ABCC4: variants seen among roughly 807,000 people sequenced by gnomAD.
ABCC4 encodes ATP binding cassette subfamily C member 4 (PEL blood group), also known as ATP-binding cassette sub-family C member 4.
ABCC4 carries 102 observed loss-of-function variants against 168.5 expected under a neutral mutation model. That is an observed-to-expected ratio of 0.61 (90% CI 0.52 to 0.71). The LOEUF (loss-of-function observed/expected upper bound fraction) is 0.71. Among genes scored for constraint, ABCC4 ranks in the 30% least tolerant of loss-of-function variants. The pLI is 0.00. For synonymous variants in ABCC4, 617 were observed against 590.7 expected, an observed-to-expected ratio of 1.04 and a Z score of -0.65; for missense variants, 1,402 against 1,605.8, an observed-to-expected ratio of 0.87 and a Z score of 2.17.
intron 1 of ABCC4, among the ~76,000 whole-genome samples, chr13:95,263,793 A>T (rs966792858): frequency 4.6e-5 from 7 of 151,404 alleles, no homozygotes; most frequent in African/African-American, 1.7e-4. Context: ...ACTGTACTTC[A>T]GCCTGGGTAA....
rs2040052799 is a variant in ABCC4 at position 95,244,647 on chromosome 13, AAGAAAGAAAGAAAG to A, written c.306+2314_306+2327del. Among the ~76,000 whole-genome samples, 6 of 88,120 alleles carry A rather than the reference AAGAAAGAAAGAAAG, an allele frequency of 6.8e-5. 1 individual carries two copies. In the East Asian group the frequency reaches 9.3e-4, roughly 14 times the overall value. 57.8% of individuals were successfully genotyped at this position (88,120 alleles called of 152,430 possible). On this transcript the variant is annotated intron_variant, in intron 3 of 30. Coordinates refer to ENST00000645237, the MANE Select transcript of ABCC4 (RefSeq NM_005845.5). ...AAAGAAAGAAAGAAAGAAAGAAAGA[AAGAAAGAAAGAAAG>A]AAAGAAAGAAATCATAGCAGTTCCT...
chr13:95,199,694 G>T (rs922463862), intron 8 of ABCC4, among the ~76,000 whole-genome samples: 1 of 152,064 alleles, frequency 6.6e-6, no homozygotes, highest in Non-Finnish European at 1.5e-5. Context: ...CATCTTCCGG[G>T]ACTGCTTGCT....
intron 29 of ABCC4, among the ~76,000 whole-genome samples, chr13:95,042,027 G>A (rs2032383586): frequency 1.3e-5 from 2 of 152,188 alleles, no homozygotes; most frequent in Admixed American, 6.5e-5. Context: ...CGTGGCCAGG[G>A]AGCCCTAAAT....
chr13:95,046,905 A>C (rs2032602911), intron 27 of ABCC4, among the ~76,000 whole-genome samples: 1 of 152,196 alleles, frequency 6.6e-6, no homozygotes, highest in South Asian at 2.1e-4. Flanking sequence ...GAAATTGAAA[A>C]TATATTAAAC....
At chr13:95,300,235 C>T (rs1041739946) in intron 1 of ABCC4, among the ~76,000 whole-genome samples, 1 of 152,112 alleles carries the variant, frequency 6.6e-6, no homozygotes, top group African/African-American at 2.4e-5. Context: ...AGCTCAGGAG[C>T]CCTGGGGTGG....
chr13:95,124,314 G>C (rs561997347), intron 19 of ABCC4, among the ~76,000 whole-genome samples: 1 of 152,144 alleles, frequency 6.6e-6, no homozygotes, highest in East Asian at 1.9e-4. Context: ...AACTCATCCC[G>C]GTGCCTTCCT....
chr13:95,156,242 C>T (rs536207139), intron 19 of ABCC4, among the ~76,000 whole-genome samples: 10 of 152,226 alleles, frequency 6.6e-5, no homozygotes, highest in Non-Finnish European at 8.8e-5. Flanking sequence ...AAACATAATA[C>T]GCCACAATAT....
At chr13:95,292,091 C>T (rs772479683) in intron 1 of ABCC4, among the ~76,000 whole-genome samples, 36 of 152,194 alleles carry the variant, frequency 2.4e-4, no homozygotes, top group South Asian at 4.1e-4. Context: ...GGCACCATGG[C>T]GCATGCCTGT....
chr13:95,252,224 G>GA (rs957380571), intron 1 of ABCC4, among the ~76,000 whole-genome samples: 22 of 151,042 alleles, frequency 1.5e-4, no homozygotes, highest in Non-Finnish European at 2.4e-4. Flanking sequence ...ATAAGAAAAG[G>GA]AAAAAAAAAT....
chr13:95,119,740 A>G (rs1438946278), intron 19 of ABCC4, among the ~76,000 whole-genome samples: 9 of 152,318 alleles, frequency 5.9e-5, no homozygotes, highest in Non-Finnish European at 7.3e-5. Context: ...CTTTTTTGTA[A>G]CAAAAAAGTA....
At chr13:95,206,940 G>A (rs2038800516) in intron 7 of ABCC4, among the ~76,000 whole-genome samples, 159 bp from the exon 8 acceptor site, 1 of 152,180 alleles carries the variant, frequency 6.6e-6, no homozygotes, top group African/African-American at 2.4e-5. Flanking sequence ...GTGCAAAGGT[G>A]AGAGGTGGCC....
chr13:95,022,915 G>C (rs953922029), intron 30 of ABCC4, among the ~76,000 whole-genome samples: 13 of 152,138 alleles, frequency 8.5e-5, no homozygotes, highest in Non-Finnish European at 1.8e-4. Flanking sequence ...GTCACTTAAG[G>C]AGAAAATAAA....
chr13:95,193,902 C>A (rs2038336836), intron 9 of ABCC4, among the ~76,000 whole-genome samples: 1 of 152,232 alleles, frequency 6.6e-6, no homozygotes. Flanking sequence ...TCGGACCATG[C>A]CTCATTACCC....
chr13:95,189,004 C>T (rs2038161226), intron 9 of ABCC4, among the ~76,000 whole-genome samples: 1 of 152,078 alleles, frequency 6.6e-6, no homozygotes, highest in African/African-American at 2.4e-5. Flanking sequence ...GTTTTAAGCC[C>T]TGCATGCATT....
At chr13:95,148,238 G>T (rs903592843) in intron 19 of ABCC4, among the ~76,000 whole-genome samples, 32 of 152,048 alleles carry the variant, frequency 2.1e-4, no homozygotes, top group African/African-American at 7.0e-4. Context: ...ACAAAAAAAG[G>T]ATTGTACTGT....
At chr13:95,270,740 T>TTTTGC (rs1337140402) in intron 1 of ABCC4, among the ~76,000 whole-genome samples, 1 of 152,104 alleles carries the variant, frequency 6.6e-6, no homozygotes, top group Non-Finnish European at 1.5e-5. Context: ...CCACACTGAG[T>TTTTGC]AGGGAAGCTA....
At chr13:95,208,285 G>A (rs1406753991) in intron 6 of ABCC4, among the ~76,000 whole-genome samples, 1 of 150,806 alleles carries the variant, frequency 6.6e-6, no homozygotes, top group Non-Finnish European at 1.5e-5. Context: ...GAAGTGCTGG[G>A]GAGCAGAAAA....
At chr13:95,278,081 G>A (rs970088215) in intron 1 of ABCC4, among the ~76,000 whole-genome samples, 11 of 151,780 alleles carry the variant, frequency 7.2e-5, no homozygotes, top group Non-Finnish European at 1.3e-4. Flanking sequence ...AGGAGAGAAC[G>A]CCGCATGCCA....
At chr13:95,063,923 G>A (rs1014926007) in intron 25 of ABCC4, among the ~76,000 whole-genome samples, 1 of 152,040 alleles carries the variant, frequency 6.6e-6, no homozygotes, top group Non-Finnish European at 1.5e-5. Context: ...TGGAGTCAAC[G>A]AAGGACATAA....
Sources: allele counts gnomAD v4.1 joint callset (sites outside exome capture counted in the v4.1 genomes callset), GRCh38; gene constraint gnomAD v4.1.1; transcripts MANE v1.5; gene names NCBI Gene and HGNC (gene_info 2026-07-23, HGNC 2026-07-21).